Variants in FAM234B observed in about 807,000 individuals in gnomAD.
The protein encoded by FAM234B is protein FAM234B.
FAM234B carries 33 observed loss-of-function variants against 69.3 expected under a neutral mutation model. The ratio of observed to expected loss-of-function variants is 0.48; its 90% CI spans 0.36 to 0.64. The LOEUF is 0.64. Ranked by LOEUF, FAM234B falls within the 30% of genes least tolerant of loss-of-function variation. The pLI is 0.00. For synonymous variants in FAM234B, 306 were observed against 306.9 expected (o/e 1.00, Z 0.03); for missense variants, 697 against 769.7 (o/e 0.91, Z 1.12).
At chr12:13,058,015 A>G (rs934028469) in intron 2 of FAM234B, among the ~76,000 whole-genome samples, 1 of 152,208 alleles carries the variant, frequency 6.6e-6, no homozygotes, top group Non-Finnish European at 1.5e-5. Context: ...GGAGTAGAGC[A>G]GTTATTATCT....
intron 5 of FAM234B, among the ~76,000 whole-genome samples, chr12:13,066,115 A>C (rs546838495): frequency 6.6e-6 from 1 of 152,352 alleles, no homozygotes; most frequent in South Asian, 2.1e-4. Flanking sequence ...AATAGTTGCT[A>C]CAGAGATCAT....
Position 13,055,906 on chromosome 12 carries a change from T to C in FAM234B, c.393T>C (p.Asp131=). 1 of 1,605,946 alleles carries C rather than the reference T, an allele frequency of 6.2e-7. No homozygotes were observed. Among genetic ancestry groups the C allele is most frequent in the Non-Finnish European group, 8.5e-7 (1 of 1,176,098 alleles). The part of the protein sequence containing the change: ...CAFLIPCPPR[D]LHSTWSRHLG... ...TCCTGATCCCCTGTCCTCCCAGAGA[T>C]CTGCACAGCACCTGGAGCCGCCACT... Residue 131 remains aspartate, a synonymous_variant, in exon 2 of 13, where the codon GAT becomes GAC. Transcript: ENST00000197268.
chr12:13,058,669 G>A, intron 3 of FAM234B, 120 bp downstream of exon 3: 1 of 814,750 alleles, frequency 1.2e-6, no homozygotes, highest in African/African-American at 1.7e-5. Context: ...AAGTTACCAT[G>A]GTTCTGGCAT....
At chr12:13,073,002 C>G (rs1865123744) in intron 10 of FAM234B, among the ~76,000 whole-genome samples, 1 of 152,150 alleles carries the variant, frequency 6.6e-6, no homozygotes, top group African/African-American at 2.4e-5. Context: ...TTGAAACTCA[C>G]AAAATTGCTC....
At position 13,077,517 on chromosome 12, in the gene FAM234B, C is replaced by T. The variant is rs545408504; in HGVS notation, c.1642+1374C>T. ...ATTCCCACCTATGAGTGAGAACATG[C>T]GGTGTTTGGTTTTTTGTCCTTGCGA... is the stretch of plus-strand genomic sequence containing the variant. On this transcript the variant is annotated intron_variant, in intron 11 of 12. Coordinates refer to ENST00000197268, the MANE Select transcript of FAM234B (RefSeq NM_020853.2). 9.4e-3 allele frequency among the ~76,000 whole-genome samples: 1,390 copies of T among 148,414 alleles called. 15 individuals carry two copies. Among genetic ancestry groups the T allele is most frequent in the Middle Eastern group, 0.052 (15 of 290 alleles).
intron 10 of FAM234B, among the ~76,000 whole-genome samples, chr12:13,075,464 GTC>G: frequency 1.4e-5 from 2 of 143,804 alleles, no homozygotes; most frequent in East Asian, 4.0e-4. Context: ...TTGAGACAGA[GTC>G]TCTCTCTGTC....
chr12:13,045,822 G>A (rs1864804203), intron 1 of FAM234B, among the ~76,000 whole-genome samples: 1 of 144,544 alleles, frequency 6.9e-6, no homozygotes, highest in Non-Finnish European at 1.5e-5. Context: ...CAGACATTTA[G>A]CTTTATTTCT....
At chr12:13,071,117 T>A in intron 9 of FAM234B, 124 bp from the exon 10 acceptor site, 5 of 1,067,560 alleles carry the variant, frequency 4.7e-6, no homozygotes, top group Non-Finnish European at 4.2e-6. Context: ...TGCTTGCATC[T>A]TAAAAGCGCA....
At chr12:13,066,383 C>T (rs1411786452) in intron 5 of FAM234B, among the ~76,000 whole-genome samples, 1 of 152,208 alleles carries the variant, frequency 6.6e-6, no homozygotes, top group Non-Finnish European at 1.5e-5. Context: ...CAGCAAGCAA[C>T]AATTCTGCTT....
At chr12:13,068,185 TG>T in intron 7 of FAM234B, 118 bp from the exon 8 acceptor site, 2 of 926,240 alleles carry the variant, frequency 2.2e-6, no homozygotes, top group Non-Finnish European at 3.4e-6. Flanking sequence ...GAGATAATGG[TG>T]GGGCATGAAT....
chr12:13,079,892 A>T lies in FAM234B; in HGVS notation c.1746A>T (p.Leu582=). The T allele has an allele frequency of 1.2e-6, 2 of 1,614,136 alleles. No individual in the cohort carries two copies. Among genetic ancestry groups the T allele is most frequent in the Non-Finnish European group, 1.7e-6 (2 of 1,179,984 alleles). Residue 582 remains leucine (L), a synonymous_variant, in exon 12 of 13, where the codon CTA becomes CTT. Coordinates refer to ENST00000197268, the MANE Select transcript of FAM234B (RefSeq NM_020853.2). ...CCCTGGTGGTCAGCAAGCTTAGTCT[A>T]CGGTGGGCACTAATGGAGGGCCAGA... ...PAALVVSKLS[L]RWALMEGQMA...
At chr12:13,056,019 C>A (rs973754239) in intron 2 of FAM234B, 73 bp downstream of exon 2, 13 of 1,419,072 alleles carry the variant, frequency 9.2e-6, no homozygotes, top group Middle Eastern at 1.8e-4. Flanking sequence ...AATTTTCCTC[C>A]AAATCTTAAA....
In FAM234B at chr12:13,062,868, C is replaced by T. The variant is rs983766404; in HGVS notation, c.745C>T (p.Pro249Ser). 6.2e-7 allele frequency: 1 copy of T among 1,613,942 alleles called. No homozygotes were observed. Among genetic ancestry groups the T allele is most frequent in the East Asian group, 2.2e-5 (1 of 44,878 alleles). ...AGGGAAAGCCATTTGGACTTTAAAC[C>T]CAAACTACTTGTCCAACGGTACCTT... ...TSGKAIWTLNPNYLSNGTLAA... is the reference protein window; with the variant it reads ...TSGKAIWTLNSNYLSNGTLAA... Residue 249 changes from proline (P) to serine (S), a missense_variant, in exon 5 of 13, where the codon CCA becomes TCA. Transcript: ENST00000197268.
chr12:13,078,198 AT>A (rs36192642), intron 11 of FAM234B, among the ~76,000 whole-genome samples: 1 of 151,044 alleles, frequency 6.6e-6, no homozygotes, highest in Non-Finnish European at 1.5e-5. Context: ...GGTTGCGAAA[AT>A]TTTCTCCCAT....
chr12:13,055,979 G>A (rs779584934), intron 2 of FAM234B, 33 bp downstream of exon 2: 1 of 1,503,254 alleles, frequency 6.7e-7, no homozygotes, highest in Non-Finnish European at 8.9e-7. Flanking sequence ...CTAATCCTGT[G>A]AAACTTCATG....
Position 13,071,294 on chromosome 12 carries a change from G to A in FAM234B, c.1422G>A (p.Pro474=), listed in dbSNP as rs777129709. Residue 474 remains proline (P), a synonymous_variant, in exon 10 of 13, where the codon CCG becomes CCA. Transcript: ENST00000197268. ...CCATTGTTTGGAGTTACCGTGCTCC[G>A]TGTCACATGAAAGAAACGCCAGCCA... ...SGSIVWSYRA[P]CHMKETPATS... is the part of the protein sequence containing the mutation. 11 of 1,613,972 alleles carry A rather than the reference G, an allele frequency of 6.8e-6. No homozygotes were observed. In the East Asian group the frequency reaches 1.1e-4, roughly 16 times the overall value.
chr12:13,048,640 C>G (rs1256952034), intron 1 of FAM234B, among the ~76,000 whole-genome samples: 1 of 151,958 alleles, frequency 6.6e-6, no homozygotes. Flanking sequence ...TTTTTTTCCA[C>G]GGGATCATAT....
intron 9 of FAM234B, among the ~76,000 whole-genome samples, chr12:13,069,342 C>T (rs1488014681): frequency 2.0e-5 from 3 of 151,942 alleles, no homozygotes; most frequent in South Asian, 2.1e-4. Flanking sequence ...TTTTTATTAT[C>T]GACCTTGCAT....
chr12:13,076,217 C>A, intron 11 of FAM234B, 74 bp downstream of exon 11: 2 of 1,095,348 alleles, frequency 1.8e-6, no homozygotes, highest in South Asian at 1.3e-5. Flanking sequence ...TGTAATGAGA[C>A]CATTGCCCCA....
Sources: gnomAD v4.1 joint callset for allele counts (sites outside exome capture counted in the v4.1 genomes callset) on GRCh38, gnomAD v4.1.1 for gene constraint, MANE v1.5 for transcripts, NCBI Gene and HGNC (gene_info 2026-07-23, HGNC 2026-07-21) for gene names.